PRDM16: variants seen among roughly 807,000 people sequenced by gnomAD.
The protein encoded by PRDM16 is PR/SET domain 16.
Under a neutral mutation model 110.6 loss-of-function variants are expected in PRDM16, and 23 were observed. The ratio of observed to expected loss-of-function variants is 0.21; its 90% CI spans 0.15 to 0.29. The LOEUF (loss-of-function observed/expected upper bound fraction) is 0.29. Ranked by LOEUF, PRDM16 falls within the 10% of genes least tolerant of loss-of-function variation. PRDM16 has a pLI of 1.00. For missense variants in PRDM16, 1,615 were observed against 1,794.3 expected (o/e 0.90, Z 1.81); for synonymous variants, 799 against 781.8 (o/e 1.02, Z -0.37).
Position 3,069,318 on chromosome 1 carries a change from G to GCGCCGCGCCGCCGGGGCCCGGGC in PRDM16, c.37+28_37+50dup. 4 of 1,295,178 alleles carry GCGCCGCGCCGCCGGGGCCCGGGC rather than the reference G, an allele frequency of 3.1e-6. No homozygotes were observed. Among genetic ancestry groups the GCGCCGCGCCGCCGGGGCCCGGGC allele is most frequent in the Non-Finnish European group, 4.0e-6 (4 of 997,556 alleles). 80.2% of individuals were successfully genotyped at this position (1,295,178 alleles called of 1,614,324 possible). The stretch of plus-strand genomic sequence containing the variant: ...AAAAGTAAGTCTCCCGCGCTCGGCC[G>GCGCCGCGCCGCCGGGGCCCGGGC]CGCCGCGCCGCCGGGGCCCGGGCCG... On this transcript the variant is annotated intron_variant, in intron 1 of 16. Transcript: ENST00000270722. The surrounding 1 kb of genome is among the most constrained non-coding windows in gnomAD (Gnocchi z 6.1).
At chr1:3,335,439 C>CGGTCG (rs1642123596) in intron 3 of PRDM16, among the ~76,000 whole-genome samples, 1 of 152,128 alleles carries the variant, frequency 6.6e-6, no homozygotes, top group South Asian at 2.1e-4. Context: ...GTCCTTAGCC[C>CGGTCG]GGTCGCGTTA....
At chr1:3,368,540 C>T (rs1642855873) in intron 3 of PRDM16, among the ~76,000 whole-genome samples, 3 of 152,204 alleles carry the variant, frequency 2.0e-5, no homozygotes, top group Non-Finnish European at 4.4e-5. Context: ...CAAGCCCAGC[C>T]GCTCCCACCC....
intron 3 of PRDM16, among the ~76,000 whole-genome samples, chr1:3,364,776 G>T (rs543376383): frequency 6.6e-6 from 1 of 152,226 alleles, no homozygotes; most frequent in Admixed American, 6.5e-5. Flanking sequence ...AGGCCCAGAG[G>T]CCCAACATGG....
At chr1:3,297,131 C>A (rs1240982618) in intron 3 of PRDM16, among the ~76,000 whole-genome samples, 1 of 152,156 alleles carries the variant, frequency 6.6e-6, no homozygotes, top group Non-Finnish European at 1.5e-5. Context: ...CTAAGGGGAG[C>A]GGTCAGCCCT....
intron 1 of PRDM16, among the ~76,000 whole-genome samples, chr1:3,106,202 C>G (rs1570257252): frequency 6.6e-6 from 1 of 152,350 alleles, no homozygotes; most frequent in Non-Finnish European, 1.5e-5. Flanking sequence ...CCAAAGAGAG[C>G]AGCCCTGGTG....
chr1:3,077,384 A>C (rs928670475), intron 1 of PRDM16, among the ~76,000 whole-genome samples: 41 of 152,044 alleles, frequency 2.7e-4, no homozygotes, highest in African/African-American at 9.6e-4. Context: ...CCCCTCCCTC[A>C]CTGCTGCTGG....
At chr1:3,286,019 T>A (rs1250565802) in intron 3 of PRDM16, among the ~76,000 whole-genome samples, 1 of 152,208 alleles carries the variant, frequency 6.6e-6, no homozygotes, top group Non-Finnish European at 1.5e-5. Context: ...TGCTGAACCT[T>A]CACCCCCATA....
intron 3 of PRDM16, among the ~76,000 whole-genome samples, chr1:3,366,864 C>T (rs575228781): frequency 1.1e-4 from 16 of 152,298 alleles, no homozygotes; most frequent in South Asian, 4.1e-4. Flanking sequence ...TCAGTCTACC[C>T]GGTCTGTAGT....
intron 3 of PRDM16, among the ~76,000 whole-genome samples, chr1:3,347,771 C>T (rs1642392191): frequency 6.6e-6 from 1 of 152,362 alleles, no homozygotes; most frequent in African/African-American, 2.4e-5. Flanking sequence ...TGATCCAGAT[C>T]TGGCCTGATG....
chr1:3,357,717 C>G (rs1048057399), intron 3 of PRDM16, among the ~76,000 whole-genome samples: 1 of 152,230 alleles, frequency 6.6e-6, no homozygotes, highest in South Asian at 2.1e-4. Flanking sequence ...GGCCTTCCAG[C>G]AGCACTTCTC....
rs369294573 is a variant in PRDM16 at position 3,412,123 on chromosome 1, C to T, written c.1926C>T (p.Ser642=). The part of the protein sequence containing the change: ...DPDKDKGKGK[S]AEGQPKFGGG... Reference sequence around the variant, plus strand: ...ACAAGGACAAGGGCAAGGGCAAGTCCGCCGAGGGCCAGCCCAAGTTTGGGG... The same window carrying T: ...ACAAGGACAAGGGCAAGGGCAAGTCTGCCGAGGGCCAGCCCAAGTTTGGGG... Residue 642 remains serine, a synonymous_variant, in exon 9 of 17, where the codon TCC becomes TCT. Transcript: ENST00000270722. 38 of 1,566,266 alleles carry T rather than the reference C, an allele frequency of 2.4e-5. No individual in the cohort carries two copies. Among genetic ancestry groups the T allele is most frequent in the Middle Eastern group, 1.7e-4 (1 of 5,842 alleles).
chr1:3,259,549 A>C (rs116698658), intron 3 of PRDM16, among the ~76,000 whole-genome samples: 2,508 of 152,236 alleles, frequency 0.016, 81 homozygotes, highest in African/African-American at 0.056. Flanking sequence ...TAAACTCACC[A>C]CCCAAGGCCA....
intron 2 of PRDM16, among the ~76,000 whole-genome samples, chr1:3,234,442 C>T (rs937699581): frequency 3.3e-5 from 5 of 152,232 alleles, no homozygotes; most frequent in South Asian, 2.1e-4. Flanking sequence ...GCCAAGCAGC[C>T]GCAAGACAGG....
intron 3 of PRDM16, among the ~76,000 whole-genome samples, chr1:3,314,835 C>T (rs934625925): frequency 3.9e-5 from 6 of 152,110 alleles, no homozygotes; most frequent in African/African-American, 1.2e-4. Context: ...GGACAGGAAA[C>T]GGGGAGTTTA....
chr1:3,434,837 G>A lies in PRDM16; in HGVS notation c.*1026G>A. Reference sequence around the variant, plus strand: ...ACGCGGGAACCCAGCGCCGTCCTCTGAAGGCAGGGCCTTGGCCACGTCCTG... The same window carrying A: ...ACGCGGGAACCCAGCGCCGTCCTCTAAAGGCAGGGCCTTGGCCACGTCCTG... On this transcript the variant is annotated 3_prime_UTR_variant, in exon 17 of 17. Coordinates refer to ENST00000270722, the MANE Select transcript of PRDM16 (RefSeq NM_022114.4). The A allele has an allele frequency of 4.3e-6, 1 of 232,224 alleles. No individual in the cohort carries two copies. Among genetic ancestry groups the A allele is most frequent in the South Asian group, 1.8e-4 (1 of 5,512 alleles). 14.4% of individuals were successfully genotyped at this position (232,224 alleles called of 1,614,324 possible).
intron 1 of PRDM16, among the ~76,000 whole-genome samples, chr1:3,091,057 C>T (rs1050264671): frequency 5.3e-5 from 8 of 152,222 alleles, no homozygotes; most frequent in Admixed American, 3.9e-4. Context: ...TCCCTAACCC[C>T]GAGCTCTAGC....
chr1:3,160,792 C>T (rs895841512), intron 1 of PRDM16, among the ~76,000 whole-genome samples: 5 of 152,162 alleles, frequency 3.3e-5, no homozygotes, highest in African/African-American at 9.7e-5. Context: ...GCTTCATGGG[C>T]GGGGCACTGT....
intron 10 of PRDM16, among the ~76,000 whole-genome samples, chr1:3,416,726 C>T (rs558638181): frequency 4.6e-5 from 7 of 152,330 alleles, no homozygotes; most frequent in African/African-American, 1.4e-4. Flanking sequence ...GTCTGGAGGG[C>T]CCTGTGGGTC....
chr1:3,086,950 G>C (rs907903278), intron 1 of PRDM16, among the ~76,000 whole-genome samples: 1 of 152,042 alleles, frequency 6.6e-6, no homozygotes, highest in Non-Finnish European at 1.5e-5. Flanking sequence ...TCCAATGAAA[G>C]TTAGAAAAAG....
Sources: allele counts gnomAD v4.1 joint callset (sites outside exome capture counted in the v4.1 genomes callset), GRCh38; gene constraint gnomAD v4.1.1; non-coding constraint Gnocchi (gnomAD v3.1); transcripts MANE v1.5; gene names NCBI Gene and HGNC (gene_info 2026-07-23, HGNC 2026-07-21).